Variants in PRKN observed in about 807,000 individuals in gnomAD.
PRKN encodes E3 ubiquitin-protein ligase parkin.
PRKN carries 56 observed loss-of-function variants against 59.5 expected under a neutral mutation model. That is an observed-to-expected ratio of 0.94 (90% CI 0.76 to 1.18). The LOEUF (loss-of-function observed/expected upper bound fraction) is 1.18, where lower values mean the gene tolerates loss of function less well. PRKN is among the 50% of genes most tolerant of loss of function. The pLI is 0.00. For synonymous variants in PRKN, 250 were observed against 222.1 expected (o/e 1.13, Z -1.12); for missense variants, 657 against 596.4 (o/e 1.10, Z -1.06).
intron 9 of PRKN, among the ~76,000 whole-genome samples, chr6:161,426,357 G>C (rs149367047): frequency 0.023 from 3,437 of 152,224 alleles, 59 homozygotes; most frequent in Middle Eastern, 0.088. Flanking sequence ...ATTTGAGTCA[G>C]TGGGCTGGGG....
At position 162,439,485 on chromosome 6, in the gene PRKN, CTCAAGAAAT is replaced by C. The variant is rs758815003; in HGVS notation, c.171+3816_171+3824del. Reference sequence around the variant, plus strand: ...CTGAGGTAACGTAGCAAAAAGAAAACTCAAGAAATTCACCTCTGGATTCTTCCTTGGGTT... The same window carrying C: ...CTGAGGTAACGTAGCAAAAAGAAAACTCACCTCTGGATTCTTCCTTGGGTT... On this transcript the variant is annotated intron_variant, in intron 2 of 11. Transcript: ENST00000366898. 1.6e-4 allele frequency among the ~76,000 whole-genome samples: 24 copies of C among 152,110 alleles called. 1 individual carries two copies. Among genetic ancestry groups the C allele is most frequent in the Non-Finnish European group, 2.6e-4 (18 of 68,022 alleles).
At chr6:162,205,757 C>T (rs1784909965) in intron 3 of PRKN, among the ~76,000 whole-genome samples, 1 of 131,218 alleles carries the variant, frequency 7.6e-6, no homozygotes, top group East Asian at 2.0e-4. Flanking sequence ...GACACACACA[C>T]ACACGTACAT....
intron 9 of PRKN, among the ~76,000 whole-genome samples, chr6:161,425,366 G>A (rs1192631427): frequency 2.6e-5 from 4 of 152,240 alleles, no homozygotes; most frequent in African/African-American, 4.8e-5. Context: ...AAAGGTTATC[G>A]CTGCACCCAT....
chr6:162,145,740 A>T (rs1781997342), intron 4 of PRKN, among the ~76,000 whole-genome samples: 1 of 152,158 alleles, frequency 6.6e-6, no homozygotes, highest in South Asian at 2.1e-4. Context: ...GTTGGCCCGC[A>T]ATCAGCATCC....
rs181434918 is a variant in PRKN at position 162,076,838 on chromosome 6, C to T, written c.535-22664G>A. Among the ~76,000 whole-genome samples the T allele has an allele frequency of 2.6e-5, 4 of 152,236 alleles. No homozygotes were observed. In the East Asian group the frequency reaches 7.7e-4, roughly 29 times the overall value. On this transcript the variant is annotated intron_variant, in intron 4 of 11. Coordinates refer to ENST00000366898, the MANE Select transcript of PRKN (RefSeq NM_004562.3). ...TCAAATGAAGTGGAAAAGATTGTTGCTGAAGAACAAATAAGCTCTTGATTA... is the reference window on the plus strand; with the variant it reads ...TCAAATGAAGTGGAAAAGATTGTTGTTGAAGAACAAATAAGCTCTTGATTA...
chr6:162,484,639 C>T (rs764885178), intron 1 of PRKN, among the ~76,000 whole-genome samples: 3 of 152,136 alleles, frequency 2.0e-5, no homozygotes, highest in Admixed American at 6.6e-5. Context: ...AACAGTACAT[C>T]GGAGTCCATA....
chr6:161,506,058 T>C (rs1416229558), intron 9 of PRKN, among the ~76,000 whole-genome samples: 6 of 151,252 alleles, frequency 4.0e-5, no homozygotes, highest in African/African-American at 1.5e-4. Flanking sequence ...TCCAATTCTG[T>C]GAAGAAAGTC....
intron 7 of PRKN, among the ~76,000 whole-genome samples, chr6:161,607,273 C>T (rs1782317582): frequency 6.6e-6 from 1 of 152,012 alleles, no homozygotes; most frequent in Non-Finnish European, 1.5e-5. Flanking sequence ...ACACGGTTTC[C>T]AATCAGTTTT....
At chr6:162,195,952 T>C (rs1248970294) in intron 4 of PRKN, among the ~76,000 whole-genome samples, 4 of 152,216 alleles carry the variant, frequency 2.6e-5, no homozygotes, top group Non-Finnish European at 5.9e-5. Context: ...TTCTATCTTC[T>C]AATTATTATT....
At chr6:161,762,952 A>G (rs1407610092) in intron 7 of PRKN, among the ~76,000 whole-genome samples, 1 of 152,216 alleles carries the variant, frequency 6.6e-6, no homozygotes, top group Non-Finnish European at 1.5e-5. Flanking sequence ...AGAGAACATG[A>G]AATACTGAGA....
chr6:161,960,582 C>T (rs527738369), intron 6 of PRKN, among the ~76,000 whole-genome samples: 1 of 152,222 alleles, frequency 6.6e-6, no homozygotes, highest in African/African-American at 2.4e-5. Flanking sequence ...TAATGCAAAT[C>T]AGAAGAGCCT....
intron 1 of PRKN, among the ~76,000 whole-genome samples, chr6:162,718,153 G>A (rs937316170): frequency 6.6e-6 from 1 of 151,774 alleles, no homozygotes; most frequent in Non-Finnish European, 1.5e-5. Flanking sequence ...ACACATATTT[G>A]TCCATCTTAG....
intron 6 of PRKN, among the ~76,000 whole-genome samples, chr6:161,824,312 C>T (rs974341357): frequency 1.1e-4 from 16 of 152,154 alleles, no homozygotes; most frequent in African/African-American, 2.2e-4. Context: ...GTGCAAGGTG[C>T]GATTCTCATC....
intron 3 of PRKN, among the ~76,000 whole-genome samples, chr6:162,236,380 TGAG>T (rs1274328811): frequency 2.6e-5 from 4 of 152,162 alleles, no homozygotes; most frequent in African/African-American, 9.7e-5. Context: ...GAGCCTCTCC[TGAG>T]AAGAAGCTGG....
At chr6:161,746,678 A>C (rs1057128838) in intron 7 of PRKN, among the ~76,000 whole-genome samples, 5 of 146,772 alleles carry the variant, frequency 3.4e-5, no homozygotes, top group Non-Finnish European at 6.0e-5. Flanking sequence ...ATATCTATAG[A>C]TATATCTATA....
intron 1 of PRKN, among the ~76,000 whole-genome samples, chr6:162,489,758 C>T (rs1257221415): frequency 6.6e-6 from 1 of 152,184 alleles, no homozygotes; most frequent in Non-Finnish European, 1.5e-5. Flanking sequence ...TCAGATTTCA[C>T]AGTCCCTGAA....
intron 4 of PRKN, among the ~76,000 whole-genome samples, chr6:162,163,299 T>C (rs1336978495): frequency 6.7e-6 from 1 of 149,336 alleles, no homozygotes; most frequent in Non-Finnish European, 1.5e-5. Flanking sequence ...GCCAAACACA[T>C]TTATCTATAA....
intron 2 of PRKN, among the ~76,000 whole-genome samples, chr6:162,317,660 G>A (rs1474810109): frequency 6.6e-6 from 1 of 152,022 alleles, no homozygotes; most frequent in Admixed American, 6.6e-5. Context: ...CACAATCACT[G>A]AAAGTAGTCT....
chr6:162,288,854 A>G (rs77718255), intron 2 of PRKN, among the ~76,000 whole-genome samples: 1,690 of 152,304 alleles, frequency 0.011, 34 homozygotes, highest in African/African-American at 0.037. Context: ...AAGCCCCTTG[A>G]GGACAAAGAA....
Sources: gnomAD v4.1 joint callset for allele counts (sites outside exome capture counted in the v4.1 genomes callset) on GRCh38, gnomAD v4.1.1 for gene constraint, MANE v1.5 for transcripts, NCBI Gene and HGNC (gene_info 2026-07-23, HGNC 2026-07-21) for gene names.